PRH1: variants seen among roughly 807,000 people sequenced by gnomAD.
PRH1 encodes the protein salivary acidic proline-rich phosphoprotein 1/2.
In PRH1, 7 loss-of-function variants were observed where a neutral mutation model predicts 7.9. The observed-to-expected ratio is 0.89, with a 90% CI of 0.50 to 1.67. PRH1 has a LOEUF of 1.67. PRH1 is among the 40% of genes most tolerant of loss of function. The pLI, the probability that PRH1 is intolerant of heterozygous loss-of-function variation, is 0.00. For synonymous variants in PRH1, 45 were observed against 80.8 expected (o/e 0.56, Z 2.38); for missense variants, 109 against 223.6 (o/e 0.49, Z 3.27).
chr12:11,120,360 A>G (rs181375977), downstream of PRH1, among the ~76,000 whole-genome samples: 1 of 152,280 alleles, frequency 6.6e-6, no homozygotes, highest in Admixed American at 6.5e-5. Flanking sequence ...GGGACCAGAC[A>G]AAGCTTTGGA....
chr12:11,155,653 AATGT>A (rs1947228069), intron 1 of PRH1, among the ~76,000 whole-genome samples: 1 of 152,134 alleles, frequency 6.6e-6, no homozygotes, highest in South Asian at 2.1e-4. Context: ...ATGTTGATAA[AATGT>A]ATCCACTTTG....
rs971662148 is a variant in PRH1, at chr12:11,014,801, T to A, written c.-126+32219A>T. Among the ~76,000 whole-genome samples the A allele has an allele frequency of 3.3e-5, 5 of 152,092 alleles. No individual in the cohort carries two copies. In the South Asian group the frequency reaches 1.0e-3, roughly 32 times the overall value. Reference sequence around the variant, plus strand: ...CAGTACCCAGAGGAAAGGACACACATCCACACCATCTGAGACTTTTAGGTA... The same window carrying A: ...CAGTACCCAGAGGAAAGGACACACAACCACACCATCTGAGACTTTTAGGTA... On this transcript the variant is annotated intron_variant, in intron 1 of 3. Transcript: ENST00000539853.
At chr12:11,105,164 C>T (rs1335206136) in intron 1 of PRH1, among the ~76,000 whole-genome samples, 2 of 151,778 alleles carry the variant, frequency 1.3e-5, no homozygotes. Flanking sequence ...AGGGAAATTT[C>T]AGGATTGTTT....
intron 1 of PRH1, chr12:11,092,006 A>C: frequency 6.9e-7 from 1 of 1,448,264 alleles, no homozygotes; most frequent in Non-Finnish European, 9.5e-7. Flanking sequence ...TACACTATTA[A>C]AAGCTGGATT....
At chr12:10,931,229 G>A in intron 2 of PRH1, 2 of 1,475,480 alleles carry the variant, frequency 1.4e-6, no homozygotes, top group Non-Finnish European at 1.8e-6. Flanking sequence ...CTGGGATAAG[G>A]TAGCAAGATC....
At chr12:11,069,116 CCA>C (rs1304031706) in intron 1 of PRH1, among the ~76,000 whole-genome samples, 5 of 148,252 alleles carry the variant, frequency 3.4e-5, no homozygotes, top group Admixed American at 6.8e-5. Context: ...CTGGGTTTCA[CCA>C]TGTTTCCTAG....
At chr12:11,052,604 C>A (rs968844758) in intron 1 of PRH1, among the ~76,000 whole-genome samples, 3 of 152,150 alleles carry the variant, frequency 2.0e-5, no homozygotes, top group African/African-American at 7.2e-5. Flanking sequence ...CTCCTCTAAT[C>A]TTACAGAACT....
chr12:11,133,846 C>T lies in PRH1; in HGVS notation n.40-12666G>A, dbSNP rs373014170. On this transcript the variant is annotated intron_variant and non_coding_transcript_variant, in intron 1 of 1. Coordinates refer to the PRH1 transcript ENST00000541175. ...AAACCAAAAATAGCAAAGGCCCCAA[C>T]AGTATCACCAGAACAACACTCTTAA... The T allele has an allele frequency of 7.0e-5, 113 of 1,614,142 alleles. No individual in the cohort carries two copies. The Middle Eastern group carries it at 3.1e-3, about 45-fold the overall frequency.
rs754663240 is a variant in PRH1, at chr12:10,883,071, G to C, written c.90C>G (p.Leu30=). The C allele has an allele frequency of 6.2e-7, 1 of 1,613,228 alleles. No individual in the cohort carries two copies. Among genetic ancestry groups the C allele is most frequent in the East Asian group, 2.2e-5 (1 of 44,858 alleles). The change falls in exon 2 of 4, where the codon CTC becomes CTG. Residue 30 remains leucine, a synonymous_variant. Coordinates refer to ENST00000543626, the MANE Select transcript of PRH1 (RefSeq NM_001393989.1). ...NEDVSQEDVP[L]VISDGGDSEQ... ...TTTATTGGGATTTACCTGATATTAC[G>C]AGGGGAACATCTTCCTGGCTGACAT...
At chr12:11,150,232 CT>C (rs908692619) in intron 1 of PRH1, among the ~76,000 whole-genome samples, 213 of 151,430 alleles carry the variant, frequency 1.4e-3, no homozygotes, top group Admixed American at 2.6e-3. Flanking sequence ...GGACTGTAAA[CT>C]AGTTCAACCA....
intron 2 of PRH1, among the ~76,000 whole-genome samples, chr12:10,933,772 A>C (rs1254074256): frequency 1.3e-5 from 2 of 152,108 alleles, no homozygotes; most frequent in Non-Finnish European, 2.9e-5. Context: ...ACACCCTGAA[A>C]AATTATCTAA....
At chr12:10,985,537 A>G (rs547996478) in intron 1 of PRH1, among the ~76,000 whole-genome samples, 4 of 152,294 alleles carry the variant, frequency 2.6e-5, no homozygotes, top group South Asian at 2.1e-4. Flanking sequence ...AGTGGAAAAG[A>G]GCAAAGATTT....
chr12:11,015,325 A>C (rs188904836), intron 1 of PRH1, among the ~76,000 whole-genome samples: 406 of 152,390 alleles, frequency 2.7e-3, no homozygotes, highest in Non-Finnish European at 4.6e-3. Flanking sequence ...CACAAGTCAA[A>C]GGTCTAACAC....
At chr12:11,018,392 G>A (rs1439712316) in intron 1 of PRH1, among the ~76,000 whole-genome samples, 3 of 152,202 alleles carry the variant, frequency 2.0e-5, no homozygotes, top group Non-Finnish European at 4.4e-5. Flanking sequence ...GCACAAGGAG[G>A]GGACTATATT....
intron 1 of PRH1, among the ~76,000 whole-genome samples, chr12:11,101,207 G>C (rs1237861490): frequency 6.6e-6 from 1 of 152,014 alleles, no homozygotes; most frequent in East Asian, 1.9e-4. Context: ...TAATGTTTTG[G>C]GCCAGGTGTG....
At chr12:11,128,235 A>G (rs1274776200) in intron 1 of PRH1, among the ~76,000 whole-genome samples, 1 of 152,028 alleles carries the variant, frequency 6.6e-6, no homozygotes, top group East Asian at 1.9e-4. Context: ...ATTCACTTTT[A>G]CTTTTCTCTA....
intron 2 of PRH1, among the ~76,000 whole-genome samples, chr12:10,907,453 CA>C (rs1303842597): frequency 2.6e-5 from 4 of 152,004 alleles, no homozygotes; most frequent in African/African-American, 9.7e-5. Context: ...AGAAGAACTT[CA>C]AAAACATTAT....
At chr12:10,920,422 C>A (rs1301647783) in intron 2 of PRH1, among the ~76,000 whole-genome samples, 1 of 151,942 alleles carries the variant, frequency 6.6e-6, no homozygotes, top group African/African-American at 2.4e-5. Flanking sequence ...TAGTTCAAAT[C>A]CTTCACTAAA....
chr12:11,113,863 T>G (rs1490976896), intron 1 of PRH1, among the ~76,000 whole-genome samples: 1 of 152,116 alleles, frequency 6.6e-6, no homozygotes, highest in Non-Finnish European at 1.5e-5. Context: ...CAGACACTTC[T>G]CAAAAGAAGA....
Sources: allele counts gnomAD v4.1 joint callset (sites outside exome capture counted in the v4.1 genomes callset), GRCh38; gene constraint gnomAD v4.1.1; transcripts MANE v1.5; gene names NCBI Gene and HGNC (gene_info 2026-07-23, HGNC 2026-07-21).